ARMC9: variants seen among roughly 807,000 people sequenced by gnomAD.
ARMC9 encodes lisH domain-containing protein ARMC9.
In ARMC9, 94 loss-of-function variants were observed where a neutral mutation model predicts 107.0. That is an observed-to-expected ratio of 0.88 (90% CI 0.74 to 1.04). The LOEUF (loss-of-function observed/expected upper bound fraction) is 1.04. Ranked by LOEUF, ARMC9 falls within the 50% of genes least tolerant of loss-of-function variation. The pLI is 0.00. For missense variants in ARMC9, 942 were observed against 1,030.1 expected, an observed-to-expected ratio of 0.91 and a Z score of 1.17; for synonymous variants, 380 against 396.9, an observed-to-expected ratio of 0.96 and a Z score of 0.51.
At chr2:231,283,454 G>C (rs2040363003) in intron 17 of ARMC9, among the ~76,000 whole-genome samples, 1 of 152,148 alleles carries the variant, frequency 6.6e-6, no homozygotes, top group African/African-American at 2.4e-5. Flanking sequence ...TTTTGAGACA[G>C]AGTCTGGCTC....
intron 5 of ARMC9, among the ~76,000 whole-genome samples, chr2:231,220,505 G>T (rs2034005553): frequency 6.8e-6 from 1 of 146,682 alleles, no homozygotes; most frequent in South Asian, 2.1e-4. Context: ...GCTGAGGCAG[G>T]AAAATCTCTT....
chr2:231,279,569 G>A (rs2040044541), intron 16 of ARMC9, among the ~76,000 whole-genome samples: 1 of 143,184 alleles, frequency 7.0e-6, no homozygotes, highest in African/African-American at 2.6e-5. Context: ...GGAGTGCAGT[G>A]GTGTGATCTT....
At chr2:231,311,770 C>CAA (rs56713732) in intron 19 of ARMC9, among the ~76,000 whole-genome samples, 94 of 60,652 alleles carry the variant, frequency 1.5e-3, no homozygotes, top group African/African-American at 6.2e-3. Flanking sequence ...ACTCCATCGC[C>CAA]AAAAAAAAAA....
At position 231,353,259 on chromosome 2, in the gene ARMC9, C is replaced by T. The variant is rs574634493; in HGVS notation, c.1995-2539C>T. Among the ~76,000 whole-genome samples, 11 of 128,594 alleles carry T rather than the reference C, an allele frequency of 8.6e-5. No individual in the cohort carries two copies. In the East Asian group the frequency reaches 2.1e-3, roughly 25 times the overall value. The allele number at this position is 128,594 out of a possible 152,430, so 84.4% of individuals were successfully genotyped here. On this transcript the variant is annotated intron_variant, in intron 21 of 24. Coordinates refer to ENST00000611582, the MANE Select transcript of ARMC9 (RefSeq NM_001352754.2). ...CTGGAGTGCAGTGGCACGATCTCGGCTCACTGCAAGCTCCATCTCCCAGTT... is the reference window on the plus strand; with the variant it reads ...CTGGAGTGCAGTGGCACGATCTCGGTTCACTGCAAGCTCCATCTCCCAGTT...
At chr2:231,364,877 G>T (rs4083254) in intron 23 of ARMC9, among the ~76,000 whole-genome samples, 17 of 152,156 alleles carry the variant, frequency 1.1e-4, no homozygotes, top group Admixed American at 7.2e-4. Context: ...AGCCCACCCC[G>T]TGAGGCACCC....
rs149953233 is a variant in ARMC9, at chr2:231,322,651, A to G, written c.1774-9142A>G. Among the ~76,000 whole-genome samples, 625 of 152,306 alleles carry G rather than the reference A, an allele frequency of 4.1e-3. 4 individuals are homozygous for G. Among genetic ancestry groups the G allele is most frequent in the African/African-American group, 0.014 (592 of 41,580 alleles). ...AATGTCATAAGGTCACCAAGCTGCCATGGGGAAGCTTCGCATTAGGACATC... is the reference window on the plus strand; with the variant it reads ...AATGTCATAAGGTCACCAAGCTGCCGTGGGGAAGCTTCGCATTAGGACATC... On this transcript the variant is annotated intron_variant, in intron 19 of 24. Transcript: ENST00000611582.
At chr2:231,324,487 C>T (rs2043199876) in intron 19 of ARMC9, among the ~76,000 whole-genome samples, 1 of 150,286 alleles carries the variant, frequency 6.7e-6, no homozygotes, top group South Asian at 2.1e-4. Flanking sequence ...CACAGTGGCT[C>T]ACGCCTGTAA....
intron 17 of ARMC9, chr2:231,288,792 T>C: frequency 2.2e-6 from 1 of 462,512 alleles, no homozygotes; most frequent in East Asian, 7.0e-5. Flanking sequence ...CAGAGCCCTC[T>C]GCACCTGTGC....
At chr2:231,279,240 T>A (rs1049367389) in intron 16 of ARMC9, among the ~76,000 whole-genome samples, 2 of 152,222 alleles carry the variant, frequency 1.3e-5, no homozygotes, top group African/African-American at 2.4e-5. Context: ...ATTTTCTAAG[T>A]TTTTAACCTA....
intron 20 of ARMC9, among the ~76,000 whole-genome samples, chr2:231,340,979 G>C (rs899146906): frequency 6.6e-6 from 1 of 152,126 alleles, no homozygotes; most frequent in Non-Finnish European, 1.5e-5. Flanking sequence ...GAGGAATGAG[G>C]ATCACTTGAG....
At chr2:231,369,613 T>TG (rs2045938789) in intron 23 of ARMC9, among the ~76,000 whole-genome samples, 1 of 145,128 alleles carries the variant, frequency 6.9e-6, no homozygotes, top group African/African-American at 2.8e-5. Flanking sequence ...TTTTTTTTTT[T>TG]GAGACAGAAT....
intron 20 of ARMC9, among the ~76,000 whole-genome samples, chr2:231,337,290 A>ATTTTTTTTTTTTTTTTTT (rs58078324): frequency 2.6e-5 from 1 of 38,028 alleles, no homozygotes; most frequent in Non-Finnish European, 4.3e-5. Flanking sequence ...ATATATATAT[A>ATTTTTTTTTTTTTTTTTT]TTTTTTTTTT....
At chr2:231,251,861 G>A (rs1320113537) in intron 9 of ARMC9, among the ~76,000 whole-genome samples, 1 of 152,098 alleles carries the variant, frequency 6.6e-6, no homozygotes, top group Non-Finnish European at 1.5e-5. Flanking sequence ...GAGTAGCTGG[G>A]ACTACAGGTG....
rs138405726 is a variant in ARMC9, at chr2:231,262,987, G to C, written c.1119+589G>C. 5.2e-3 allele frequency among the ~76,000 whole-genome samples: 624 copies of C among 119,838 alleles called. 9 individuals are homozygous for C. The highest frequency in any genetic ancestry group is 0.028 in the African/African-American group (559 of 20,072). 78.6% of individuals were successfully genotyped at this position (119,838 alleles called of 152,430 possible). A position where few individuals can be genotyped will look rare whatever the true frequency, so the allele number is the denominator to read the frequency against. ...TTGGGATGATTACATACAGTCAGGT[G>C]GGGGAAGTCCTTAAGCCCCAGGCCT... is the stretch of plus-strand genomic sequence containing the variant. On this transcript the variant is annotated intron_variant, in intron 12 of 24. Transcript: ENST00000611582.
chr2:231,216,309 T>C (rs951072782), intron 4 of ARMC9, among the ~76,000 whole-genome samples: 5 of 152,180 alleles, frequency 3.3e-5, no homozygotes, highest in Non-Finnish European at 7.3e-5. Flanking sequence ...GGGAAGCTAG[T>C]TAAATAAATG....
At chr2:231,245,155 C>G (rs2036638267) in intron 9 of ARMC9, among the ~76,000 whole-genome samples, 1 of 152,214 alleles carries the variant, frequency 6.6e-6, no homozygotes, top group Admixed American at 6.5e-5. Context: ...TAGTTTGACT[C>G]CGCGTATTGC....
At chr2:231,300,351 G>A (rs189464601) in intron 19 of ARMC9, among the ~76,000 whole-genome samples, 9 of 152,260 alleles carry the variant, frequency 5.9e-5, no homozygotes, top group East Asian at 1.9e-4. Flanking sequence ...TGAGGGCCTC[G>A]AAATAACACT....
At chr2:231,263,172 A>G (rs750620619) in intron 12 of ARMC9, among the ~76,000 whole-genome samples, 15 of 152,186 alleles carry the variant, frequency 9.9e-5, no homozygotes, top group Non-Finnish European at 2.1e-4. Flanking sequence ...TTTTATCCAG[A>G]GTGCTGTAAA....
intron 20 of ARMC9, among the ~76,000 whole-genome samples, chr2:231,342,796 G>A (rs1177508037): frequency 6.6e-6 from 1 of 152,092 alleles, no homozygotes; most frequent in Non-Finnish European, 1.5e-5. Context: ...TTTTATTTAC[G>A]TGGCTTAGTT....
Sources: gnomAD v4.1 joint callset for allele counts (sites outside exome capture counted in the v4.1 genomes callset) on GRCh38, gnomAD v4.1.1 for gene constraint, MANE v1.5 for transcripts, NCBI Gene and HGNC (gene_info 2026-07-23, HGNC 2026-07-21) for gene names.